SPARCL1: variants seen among roughly 807,000 people sequenced by gnomAD.
The protein encoded by SPARCL1 is SPARC-like protein 1.
In SPARCL1, 52 loss-of-function variants were observed where a neutral mutation model predicts 67.1. The observed-to-expected ratio is 0.78, with a 90% confidence interval of 0.62 to 0.98. SPARCL1 has a LOEUF of 0.98. SPARCL1 is among the 50% of genes least tolerant of loss of function. The pLI is 0.00. For missense variants in SPARCL1, 717 were observed against 782.4 expected, an observed-to-expected ratio of 0.92 and a Z score of 1.00; for synonymous variants, 226 against 267.8, an observed-to-expected ratio of 0.84 and a Z score of 1.52.
At chr4:87,515,590 C>A (rs960923864) in intron 1 of SPARCL1, among the ~76,000 whole-genome samples, 3 of 152,104 alleles carry the variant, frequency 2.0e-5, no homozygotes, top group Admixed American at 2.0e-4. Context: ...GGAAGGAGAG[C>A]CCTTTCCTTC....
chr4:87,485,755 T>C lies in SPARCL1; in HGVS notation c.1532-3195A>G, dbSNP rs568299913. Among the ~76,000 whole-genome samples the C allele has an allele frequency of 3.9e-5, 6 of 152,270 alleles. No individual in the cohort carries two copies. In the South Asian group the frequency reaches 1.2e-3, roughly 32 times the overall value. On this transcript the variant is annotated intron_variant, in intron 7 of 10. Transcript: ENST00000282470. ...CCTCAATTTCAGAACTTGTTATTGG[T>C]CTATTCAGGGATTCAACTTCTTCCT...
At chr4:87,486,983 T>C (rs1724102691) in intron 7 of SPARCL1, among the ~76,000 whole-genome samples, 2 of 145,284 alleles carry the variant, frequency 1.4e-5, no homozygotes, top group Non-Finnish European at 3.0e-5. Flanking sequence ...AGCCTATGTA[T>C]GTTTTTGCAT....
intron 4 of SPARCL1, among the ~76,000 whole-genome samples, chr4:87,491,953 CCCAAAA>C (rs1560817818): frequency 5.6e-4 from 25 of 44,258 alleles, no homozygotes; most frequent in South Asian, 1.8e-3. Flanking sequence ...CACCCCCCCC[CCCAAAA>C]AAAAAAAAAT....
chr4:87,510,689 CT>C (rs1206905994), intron 1 of SPARCL1, among the ~76,000 whole-genome samples: 1 of 152,158 alleles, frequency 6.6e-6, no homozygotes, highest in Non-Finnish European at 1.5e-5. Flanking sequence ...TCTGTGTGAC[CT>C]CATTCCTCTT....
intron 2 of SPARCL1, among the ~76,000 whole-genome samples, chr4:87,496,036 C>T (rs1002194965): frequency 6.6e-6 from 1 of 151,560 alleles, no homozygotes; most frequent in Non-Finnish European, 1.5e-5. Flanking sequence ...GAGGGATGGT[C>T]CTATTTCTAG....
At chr4:87,502,669 C>CTT (rs112705617) in intron 1 of SPARCL1, among the ~76,000 whole-genome samples, 1 of 152,008 alleles carries the variant, frequency 6.6e-6, no homozygotes, top group South Asian at 2.1e-4. Flanking sequence ...CTTCTTGTTC[C>CTT]TTTTTTCCCC....
chr4:87,495,241 C>T (rs1724571002), intron 2 of SPARCL1, 114 bp from the exon 3 acceptor site: 2 of 844,628 alleles, frequency 2.4e-6, no homozygotes, highest in African/African-American at 3.6e-5. Context: ...TTTATACCAA[C>T]AATTTAAAAA....
At chr4:87,504,643 G>C (rs1342033438) in intron 1 of SPARCL1, among the ~76,000 whole-genome samples, 1 of 152,020 alleles carries the variant, frequency 6.6e-6, no homozygotes, top group Non-Finnish European at 1.5e-5. Flanking sequence ...CTTTTTTCTA[G>C]TTATTTTGCA....
chr4:87,521,665 C>T (rs1560455849), intron 1 of SPARCL1, among the ~76,000 whole-genome samples: 2 of 152,282 alleles, frequency 1.3e-5, no homozygotes, highest in South Asian at 2.1e-4. Context: ...CAGATGATGA[C>T]AACTTGATCT....
intron 4 of SPARCL1, among the ~76,000 whole-genome samples, chr4:87,492,142 A>AAAG (rs1352120005): frequency 6.6e-6 from 1 of 150,852 alleles, no homozygotes; most frequent in Non-Finnish European, 1.5e-5. Flanking sequence ...AACAGAAAAA[A>AAAG]AAGAAGAAAT....
chr4:87,474,297 C>T (rs1332299115), intron 10 of SPARCL1, among the ~76,000 whole-genome samples: 1 of 152,162 alleles, frequency 6.6e-6, no homozygotes, highest in Non-Finnish European at 1.5e-5. Flanking sequence ...ACCAACATGG[C>T]CCACCCTAAC....
intron 1 of SPARCL1, among the ~76,000 whole-genome samples, chr4:87,515,951 G>A (rs912609730): frequency 1.3e-5 from 2 of 152,286 alleles, no homozygotes; most frequent in East Asian, 3.9e-4. Flanking sequence ...GTTGAGAGGT[G>A]GAGTCTAATT....
intron 10 of SPARCL1, among the ~76,000 whole-genome samples, chr4:87,475,947 C>T (rs1314617281): frequency 6.6e-6 from 1 of 152,192 alleles, no homozygotes; most frequent in Non-Finnish European, 1.5e-5. Context: ...CAGCACTATT[C>T]ACAATAGCAA....
chr4:87,525,176 AT>A (rs1347873673), intron 1 of SPARCL1, among the ~76,000 whole-genome samples: 1 of 151,680 alleles, frequency 6.6e-6, no homozygotes, highest in African/African-American at 2.4e-5. Context: ...AAAAAAAAAA[AT>A]ACAATGATCT....
chr4:87,507,641 T>G (rs1298154034), intron 1 of SPARCL1, among the ~76,000 whole-genome samples: 1 of 152,218 alleles, frequency 6.6e-6, no homozygotes, highest in Non-Finnish European at 1.5e-5. Flanking sequence ...GTCATCAACA[T>G]GCAAGCAATC....
intron 1 of SPARCL1, among the ~76,000 whole-genome samples, chr4:87,503,711 C>A (rs1724949890): frequency 7.4e-6 from 1 of 134,910 alleles, no homozygotes; most frequent in Admixed American, 8.4e-5. Flanking sequence ...CAGAGTCTTG[C>A]TCTGTTGCCC....
chr4:87,526,532 T>C (rs1415188611), intron 1 of SPARCL1, among the ~76,000 whole-genome samples: 1 of 152,190 alleles, frequency 6.6e-6, no homozygotes, highest in Non-Finnish European at 1.5e-5. Flanking sequence ...ATCCCCATTT[T>C]GCTAAACAGA....
At chr4:87,519,066 G>A (rs1725697833) in intron 1 of SPARCL1, among the ~76,000 whole-genome samples, 1 of 151,378 alleles carries the variant, frequency 6.6e-6, no homozygotes, top group African/African-American at 2.4e-5. Flanking sequence ...TTCCTATCAA[G>A]TCCCTATCTT....
intron 5 of SPARCL1, 109 bp from the exon 6 acceptor site, chr4:87,490,987 C>A: frequency 2.9e-6 from 2 of 694,206 alleles, no homozygotes; most frequent in Non-Finnish European, 4.6e-6. Context: ...ATTTTGAAGT[C>A]CTTGAAATTT....
Sources: allele counts gnomAD v4.1 joint callset (sites outside exome capture counted in the v4.1 genomes callset), GRCh38; gene constraint gnomAD v4.1.1; transcripts MANE v1.5; gene names NCBI Gene and HGNC (gene_info 2026-07-23, HGNC 2026-07-21).